The following MAD1L1 variants were observed in gnomAD, a reference collection of about 807,000 sequenced individuals.
MAD1L1 encodes the protein mitotic arrest deficient 1 like 1, also known as mitotic spindle assembly checkpoint protein MAD1.
Under a neutral mutation model 96.9 loss-of-function variants are expected in MAD1L1, and 95 were observed. The ratio of observed to expected loss-of-function variants is 0.98; its 90% CI spans 0.83 to 1.16. The LOEUF is 1.16. MAD1L1 is among the 50% of genes most tolerant of loss of function. MAD1L1 has a pLI of 0.00. For missense variants in MAD1L1, 1,007 were observed against 954.4 expected, an observed-to-expected ratio of 1.06 and a Z score of -0.73; for synonymous variants, 473 against 396.6, an observed-to-expected ratio of 1.19 and a Z score of -2.29.
At chr7:2,205,604 C>G (rs1792558487) in intron 10 of MAD1L1, among the ~76,000 whole-genome samples, 1 of 152,192 alleles carries the variant, frequency 6.6e-6, no homozygotes, top group South Asian at 2.1e-4. Flanking sequence ...CCTCCTAATT[C>G]TCAGGGAGAC....
intron 18 of MAD1L1, among the ~76,000 whole-genome samples, chr7:1,816,762 G>A (rs1262685334): frequency 2.0e-5 from 3 of 152,014 alleles, no homozygotes; most frequent in Non-Finnish European, 2.9e-5. Flanking sequence ...TCCAGACAGC[G>A]CTGCAGGCCC....
At chr7:1,948,564 C>G (rs567300058) in intron 16 of MAD1L1, among the ~76,000 whole-genome samples, 1 of 152,184 alleles carries the variant, frequency 6.6e-6, no homozygotes, top group African/African-American at 2.4e-5. Context: ...GGCAGCTCCA[C>G]GTGAAAGGCC....
intron 16 of MAD1L1, among the ~76,000 whole-genome samples, chr7:1,953,310 G>A (rs1001715455): frequency 1.4e-4 from 21 of 152,208 alleles, no homozygotes; most frequent in African/African-American, 5.1e-4. Flanking sequence ...TTATTTAAAC[G>A]TCACAGGGCT....
intron 18 of MAD1L1, among the ~76,000 whole-genome samples, chr7:1,862,239 G>A (rs1023888132): frequency 1.4e-4 from 22 of 152,260 alleles, no homozygotes; most frequent in Admixed American, 7.8e-4. Flanking sequence ...GCAGCACCCC[G>A]GGCCTCTGCC....
intron 14 of MAD1L1, among the ~76,000 whole-genome samples, chr7:1,989,484 G>A (rs1781306468): frequency 6.6e-6 from 1 of 152,270 alleles, no homozygotes; most frequent in Admixed American, 6.5e-5. Context: ...GCCAGGCACG[G>A]GCTGGGAGCC....
At chr7:2,022,761 G>C (rs1322751431) in intron 12 of MAD1L1, among the ~76,000 whole-genome samples, 1 of 152,014 alleles carries the variant, frequency 6.6e-6, no homozygotes, top group African/African-American at 2.4e-5. Flanking sequence ...CCAATTAAAA[G>C]ACGGTCAGGA....
Position 1,935,648 on chromosome 7 carries a change from C to T in MAD1L1, c.1807+1039G>A, listed in dbSNP as rs369207438. On this transcript the variant is annotated intron_variant, in intron 17 of 18. Transcript: ENST00000265854. Reference sequence around the variant, plus strand: ...GGGCTGTGGGAAGCGGACAAGTCACCGCCACACAACCTCTGCACCTGCATG... The same window carrying T: ...GGGCTGTGGGAAGCGGACAAGTCACTGCCACACAACCTCTGCACCTGCATG... Among the ~76,000 whole-genome samples the T allele has an allele frequency of 1.1e-4, 17 of 152,324 alleles. No homozygotes were observed. The East Asian group carries it at 1.9e-3, about 17-fold the overall frequency.
chr7:2,042,538 C>T lies in MAD1L1; in HGVS notation c.1218+26656G>A, dbSNP rs1449708629. Among the ~76,000 whole-genome samples, 6 of 152,298 alleles carry T rather than the reference C, an allele frequency of 3.9e-5. No homozygotes were observed. In the South Asian group the frequency reaches 1.2e-3, roughly 32 times the overall value. Reference sequence around the variant, plus strand: ...ATATGGTTTGGATGTCTGCTCCCTCCAAATCTCAGGTTGAAAAATGTTTCC... The same window carrying T: ...ATATGGTTTGGATGTCTGCTCCCTCTAAATCTCAGGTTGAAAAATGTTTCC... On this transcript the variant is annotated intron_variant, in intron 12 of 18. Coordinates refer to ENST00000265854, the MANE Select transcript of MAD1L1 (RefSeq NM_001013836.2).
chr7:1,973,149 G>GT (rs1780478986), intron 15 of MAD1L1, among the ~76,000 whole-genome samples: 1 of 152,212 alleles, frequency 6.6e-6, no homozygotes, highest in Non-Finnish European at 1.5e-5. Flanking sequence ...CACAGACACT[G>GT]ATTAGGTCCT....
At chr7:1,868,411 C>A (rs373255772) in intron 18 of MAD1L1, among the ~76,000 whole-genome samples, 5 of 152,144 alleles carry the variant, frequency 3.3e-5, no homozygotes, top group African/African-American at 1.2e-4. Context: ...ACGCAGGCCG[C>A]GCCTCCCGGG....
intron 17 of MAD1L1, among the ~76,000 whole-genome samples, chr7:1,906,576 C>G (rs1363853853): frequency 6.6e-6 from 1 of 152,134 alleles, no homozygotes; most frequent in Non-Finnish European, 1.5e-5. Flanking sequence ...ATTGTGGCGT[C>G]CACAGAGCTG....
intron 4 of MAD1L1, among the ~76,000 whole-genome samples, chr7:2,224,259 T>A (rs2115014988): frequency 6.6e-6 from 1 of 152,192 alleles, no homozygotes; most frequent in Admixed American, 6.5e-5. Flanking sequence ...AATGACCTGG[T>A]GGCTCCTCTC....
intron 18 of MAD1L1, chr7:1,838,815 G>A (rs1220575973): frequency 4.2e-6 from 2 of 471,436 alleles, no homozygotes; most frequent in Non-Finnish European, 8.8e-6. Context: ...CTGACCACGG[G>A]GTGAACGTCC....
At chr7:2,132,184 G>T (rs1043065785) in intron 11 of MAD1L1, among the ~76,000 whole-genome samples, 2 of 152,102 alleles carry the variant, frequency 1.3e-5, no homozygotes, top group Non-Finnish European at 2.9e-5. Context: ...GCAATTATAG[G>T]TTTACAGGAA....
At chr7:1,916,500 A>G (rs981103702) in intron 17 of MAD1L1, among the ~76,000 whole-genome samples, 1 of 152,166 alleles carries the variant, frequency 6.6e-6, no homozygotes, top group Non-Finnish European at 1.5e-5. Context: ...TAGAGAGAGG[A>G]GCAAGTCACA....
intron 11 of MAD1L1, among the ~76,000 whole-genome samples, chr7:2,145,344 C>T (rs1453218970): frequency 2.6e-5 from 4 of 152,364 alleles, no homozygotes; most frequent in Non-Finnish European, 2.9e-5. Flanking sequence ...AAGTCCTACA[C>T]TGAGAGTTCC....
chr7:2,002,205 C>A lies in MAD1L1; in HGVS notation c.1360-84G>T, dbSNP rs1466224600. The A allele has an allele frequency of 7.5e-6, 10 of 1,335,408 alleles. No individual in the cohort carries two copies. The East Asian group carries it at 2.3e-4, about 31-fold the overall frequency. The allele number at this position is 1,335,408 out of a possible 1,614,324, so 82.7% of individuals were successfully genotyped here. A position where few individuals can be genotyped will look rare whatever the true frequency, so the allele number is the denominator to read the frequency against. ...ACTGCAGGGAACACAACCCCCACCA[C>A]CCCGCAGCCTCCACTCTCTGGGGAG... On this transcript the variant is annotated intron_variant, in intron 13 of 18. Coordinates refer to ENST00000265854, the MANE Select transcript of MAD1L1 (RefSeq NM_001013836.2).
chr7:2,084,381 C>G (rs1212483142), intron 11 of MAD1L1, among the ~76,000 whole-genome samples: 1 of 152,180 alleles, frequency 6.6e-6, no homozygotes, highest in Non-Finnish European at 1.5e-5. Flanking sequence ...TTGCTGGGAG[C>G]AGAGCACTGC....
chr7:1,894,447 G>A (rs557358715), intron 18 of MAD1L1, among the ~76,000 whole-genome samples: 2 of 152,298 alleles, frequency 1.3e-5, no homozygotes, highest in South Asian at 4.1e-4. Flanking sequence ...AGCTGAACCA[G>A]CCAACAGGGA....
Sources: allele counts gnomAD v4.1 joint callset (sites outside exome capture counted in the v4.1 genomes callset), GRCh38; gene constraint gnomAD v4.1.1; transcripts MANE v1.5; gene names NCBI Gene and HGNC (gene_info 2026-07-23, HGNC 2026-07-21).